ASMTL: variants seen among roughly 807,000 people sequenced by gnomAD.
ASMTL encodes the protein acetylserotonin O-methyltransferase like, also known as probable bifunctional dTTP/UTP pyrophosphatase/methyltransferase protein.
A neutral mutation model predicts 60.3 loss-of-function variants in ASMTL; 57 were observed. The observed-to-expected ratio is 0.95, with a 90% CI of 0.76 to 1.18. The LOEUF is 1.18. Ranked by LOEUF, ASMTL falls within the 50% of genes most tolerant of loss-of-function variation. ASMTL has a pLI of 0.00. For synonymous variants in ASMTL, 419 were observed against 373.0 expected, an observed-to-expected ratio of 1.12 and a Z score of -1.42; for missense variants, 981 against 852.6, an observed-to-expected ratio of 1.15 and a Z score of -1.88.
chrX:1,438,157 C>T (rs1232206476), intron 3 of ASMTL, among the ~76,000 whole-genome samples: 4 of 151,646 alleles, frequency 2.6e-5, no homozygotes, highest in South Asian at 2.1e-4. Context: ...GGCGTGGTGG[C>T]GGGTGCCTGT....
intron 1 of ASMTL, among the ~76,000 whole-genome samples, chrX:1,442,524 C>T (rs768930337): frequency 3.9e-4 from 60 of 152,044 alleles, no homozygotes; most frequent in South Asian, 1.5e-3. Flanking sequence ...GTTAGTGGGC[C>T]GCGGACTGAC....
At chrX:1,444,688 T>C (rs1294930477) in intron 1 of ASMTL, among the ~76,000 whole-genome samples, 16 of 151,918 alleles carry the variant, frequency 1.1e-4, no homozygotes, top group African/African-American at 3.9e-4. Context: ...CCTTTCTCTC[T>C]CTCCCTCTTT....
intron 7 of ASMTL, among the ~76,000 whole-genome samples, chrX:1,427,101 A>G (rs1368871595): frequency 1.3e-5 from 2 of 152,344 alleles, no homozygotes; most frequent in Admixed American, 1.3e-4. Flanking sequence ...TCAAAATCCA[A>G]TGACAGGTGT....
At chrX:1,417,524 C>CAT (rs2090333735) in intron 11 of ASMTL, among the ~76,000 whole-genome samples, 1 of 2,446 alleles carries the variant, frequency 4.1e-4, no homozygotes, top group Admixed American at 0.012. Context: ...CACAGACATG[C>CAT]ACACACACAC....
chrX:1,442,425 C>T, intron 1 of ASMTL, 108 bp from the exon 2 acceptor site: 3 of 1,306,846 alleles, frequency 2.3e-6, no homozygotes, highest in Non-Finnish European at 3.2e-6. Flanking sequence ...CACTCCCCGA[C>T]CCTGTCCCAG....
intron 11 of ASMTL, among the ~76,000 whole-genome samples, chrX:1,417,612 GAC>G (rs780702844): frequency 2.1e-4 from 32 of 149,466 alleles, no homozygotes; most frequent in African/African-American, 3.5e-4. Flanking sequence ...CACAGATGCA[GAC>G]ACACACACAC....
chrX:1,421,157 G>T (rs1297011669), intron 9 of ASMTL, among the ~76,000 whole-genome samples: 1 of 151,854 alleles, frequency 6.6e-6, no homozygotes, highest in Admixed American at 6.6e-5. Context: ...TAGAGATGGG[G>T]TTTCAGCACG....
intron 1 of ASMTL, among the ~76,000 whole-genome samples, chrX:1,445,790 T>C (rs1405324064): frequency 6.6e-6 from 1 of 152,202 alleles, no homozygotes; most frequent in Non-Finnish European, 1.5e-5. Context: ...TAATAATCCT[T>C]GCTCTAGAAT....
At chrX:1,407,711 C>G (rs1310756797) in intron 12 of ASMTL, among the ~76,000 whole-genome samples, 1 of 151,394 alleles carries the variant, frequency 6.6e-6, no homozygotes, top group African/African-American at 2.4e-5. Context: ...TAGTGAGACC[C>G]TGTCTCTATT....
At chrX:1,415,865 C>CACAT (rs2149284237) in intron 11 of ASMTL, among the ~76,000 whole-genome samples, 1 of 152,270 alleles carries the variant, frequency 6.6e-6, no homozygotes, top group Admixed American at 6.5e-5. Context: ...CAGGCACACA[C>CACAT]ACATATACCC....
rs191827974 is a variant in ASMTL at position 1,440,173 on chromosome X, G to A, written c.226-1029C>T. Reference sequence around the variant, plus strand: ...GCGACCTCGGCTCACTGCAAGCTCCGCCTCCCGGGTTCACGCCATTCTCCC... The same window carrying A: ...GCGACCTCGGCTCACTGCAAGCTCCACCTCCCGGGTTCACGCCATTCTCCC... On this transcript the variant is annotated intron_variant, in intron 2 of 12. Coordinates refer to ENST00000381317, the MANE Select transcript of ASMTL (RefSeq NM_004192.4). 1.5e-3 allele frequency among the ~76,000 whole-genome samples: 220 copies of A among 150,610 alleles called. 2 individuals are homozygous for A. The highest frequency in any genetic ancestry group is 5.0e-3 in the African/African-American group (207 of 41,022).
intron 1 of ASMTL, among the ~76,000 whole-genome samples, chrX:1,451,604 T>A: frequency 7.5e-6 from 1 of 132,998 alleles, no homozygotes; most frequent in East Asian, 2.5e-4. Context: ...ACCCCATGCC[T>A]AGGGGTTTCG....
At chrX:1,406,060 T>C (rs1307563051) in intron 12 of ASMTL, among the ~76,000 whole-genome samples, 1 of 151,188 alleles carries the variant, frequency 6.6e-6, no homozygotes, top group African/African-American at 2.4e-5. Context: ...GGTGGATGGA[T>C]AGATGGAGGC....
chrX:1,432,371 T>C lies in ASMTL; in HGVS notation c.407A>G (p.Gln136Arg), dbSNP rs770531744. ...GAATTCCGAGACCCTGGTGTCCAGC[T>C]GATGGTCTGCAAGGACACAGCCGTG... ...AIVHCSSKDH[Q>R]LDTRVSEFYE... Residue 136 changes from glutamine to arginine, a missense_variant, in exon 6 of 13, where the codon CAG becomes CGG. By Grantham distance (43) the Gln-to-Arg change is conservative (BLOSUM62 1). Transcript: ENST00000381317. 2 of 1,612,346 alleles carry C rather than the reference T, an allele frequency of 1.2e-6. No individual in the cohort carries two copies. Among genetic ancestry groups the C allele is most frequent in the Non-Finnish European group, 1.7e-6 (2 of 1,179,326 alleles).
At position 1,452,737 on chromosome X, in the gene ASMTL, C is replaced by A; in HGVS notation, c.93+11G>T. 2 of 1,583,726 alleles carry A rather than the reference C, an allele frequency of 1.3e-6. No homozygotes were observed. The highest frequency in any genetic ancestry group is 1.7e-6 in the Non-Finnish European group (2 of 1,171,794). On this transcript the variant is annotated intron_variant, in intron 1 of 12. Coordinates refer to ENST00000381317, the MANE Select transcript of ASMTL (RefSeq NM_004192.4). Reference sequence around the variant, plus strand: ...CCCCGGTCCCCTGCCCCGCCCAGGCCCAGGCCGTACCGCGTTGCTGAGGAT... The same window carrying A: ...CCCCGGTCCCCTGCCCCGCCCAGGCACAGGCCGTACCGCGTTGCTGAGGAT...
intron 1 of ASMTL, among the ~76,000 whole-genome samples, chrX:1,443,165 CA>C (rs1174914615): frequency 6.6e-6 from 1 of 151,882 alleles, no homozygotes; most frequent in Non-Finnish European, 1.5e-5. Context: ...CACACACCGC[CA>C]TCGTGGACAC....
Position 1,452,860 on chromosome X carries a change from G to C in ASMTL, c.-20C>G, listed in dbSNP as rs749996579. Reference sequence around the variant, plus strand: ...CACCATGGCGTCCACGCCGGGAGCCGGGCGTCCGCACTTCTGAGCCCGGAG... The same window carrying C: ...CACCATGGCGTCCACGCCGGGAGCCCGGCGTCCGCACTTCTGAGCCCGGAG... On this transcript the variant is annotated 5_prime_UTR_variant, in exon 1 of 13. Transcript: ENST00000381317. 3 of 1,541,886 alleles carry C rather than the reference G, an allele frequency of 1.9e-6. No homozygotes were observed. Among genetic ancestry groups the C allele is most frequent in the East Asian group, 2.5e-5 (1 of 40,470 alleles).
In ASMTL at chrX:1,403,244, C is replaced by A; in HGVS notation, c.*25G>T. ...ACCTGCAGCCTGGGGGAGGACATCC[C>A]TATAATGAACATGCTGCCTGGGCTT... On this transcript the variant is annotated 3_prime_UTR_variant, in exon 13 of 13. Coordinates refer to ENST00000381317, the MANE Select transcript of ASMTL (RefSeq NM_004192.4). The A allele has an allele frequency of 6.2e-7, 1 of 1,604,820 alleles. No homozygotes were observed. Among genetic ancestry groups the A allele is most frequent in the East Asian group, 2.2e-5 (1 of 44,830 alleles).
intron 11 of ASMTL, among the ~76,000 whole-genome samples, chrX:1,417,288 GAC>G (rs1462061293): frequency 5.1e-5 from 4 of 78,520 alleles, no homozygotes; most frequent in African/African-American, 8.0e-5. Flanking sequence ...CACAAATGCA[GAC>G]ACAGACGGGC....
Sources: gnomAD v4.1 joint callset for allele counts (sites outside exome capture counted in the v4.1 genomes callset) on GRCh38, gnomAD v4.1.1 for gene constraint, MANE v1.5 for transcripts, NCBI Gene and HGNC (gene_info 2026-07-23, HGNC 2026-07-21) for gene names.